ASIC2: variants seen among roughly 807,000 people sequenced by gnomAD.
ASIC2 encodes the protein acid sensing ion channel subunit 2.
In ASIC2, 25 loss-of-function variants were observed where a neutral mutation model predicts 57.3. That is an observed-to-expected ratio of 0.44 (90% confidence interval 0.32 to 0.61). ASIC2 has a LOEUF of 0.61. Among genes scored for constraint, ASIC2 ranks in the 20% least tolerant of loss-of-function variants. ASIC2 has a pLI of 0.06. For missense variants in ASIC2, 641 were observed against 738.1 expected (o/e 0.87, Z 1.52); for synonymous variants, 319 against 307.5 (o/e 1.04, Z -0.39).
At chr17:33,620,749 G>A (rs1905766470) in intron 1 of ASIC2, among the ~76,000 whole-genome samples, 1 of 152,158 alleles carries the variant, frequency 6.6e-6, no homozygotes, top group African/African-American at 2.4e-5. Flanking sequence ...TTTGAATGGA[G>A]TCAGACTGTA....
rs534488427 is a variant in ASIC2 at position 33,531,206 on chromosome 17, G to C, written c.556-419139C>G. On this transcript the variant is annotated intron_variant, in intron 1 of 9. Coordinates refer to the ASIC2 transcript ENST00000359872. ...CCTTTAAGGCAAACGTTCCAGAAAG[G>C]CTTAGGACAAGATCATAGAACTCCT... Among the ~76,000 whole-genome samples, 8 of 152,218 alleles carry C rather than the reference G, an allele frequency of 5.3e-5. No homozygotes were observed. The East Asian group carries it at 1.5e-3, about 29-fold the overall frequency.
intron 1 of ASIC2, among the ~76,000 whole-genome samples, chr17:33,806,115 A>C (rs1912260630): frequency 2.0e-5 from 3 of 152,162 alleles, no homozygotes. Context: ...ACCCACATTC[A>C]TACTCAAGAA....
chr17:34,059,393 C>G (rs1908887187), intron 1 of ASIC2, among the ~76,000 whole-genome samples: 1 of 152,168 alleles, frequency 6.6e-6, no homozygotes, highest in Middle Eastern at 3.2e-3. Context: ...AGGGAACCAT[C>G]AGGAGGGTGG....
chr17:33,815,957 T>C (rs963174461), intron 1 of ASIC2, among the ~76,000 whole-genome samples: 4 of 152,118 alleles, frequency 2.6e-5, no homozygotes, highest in African/African-American at 9.7e-5. Context: ...AGGATAGACA[T>C]GTGGGCTATT....
chr17:34,014,018 A>G (rs1299994260), intron 1 of ASIC2, among the ~76,000 whole-genome samples: 1 of 152,080 alleles, frequency 6.6e-6, no homozygotes, highest in Non-Finnish European at 1.5e-5. Flanking sequence ...CAGAGGGGAG[A>G]GTCAACTTGG....
chr17:33,950,839 A>G (rs1288661864), intron 1 of ASIC2, among the ~76,000 whole-genome samples: 1 of 152,206 alleles, frequency 6.6e-6, no homozygotes, highest in African/African-American at 2.4e-5. Context: ...TGCCTTTTGC[A>G]CTTTCTTTTT....
At chr17:33,322,567 T>TTCATTCATTCATC (rs1375788808) in intron 1 of ASIC2, among the ~76,000 whole-genome samples, 1 of 152,184 alleles carries the variant, frequency 6.6e-6, no homozygotes, top group Non-Finnish European at 1.5e-5. Flanking sequence ...ATTCATTCAT[T>TTCATTCATTCATC]CATTCATTCA....
chr17:33,055,089 G>A (rs1223853071), intron 3 of ASIC2, among the ~76,000 whole-genome samples: 1 of 152,132 alleles, frequency 6.6e-6, no homozygotes, highest in African/African-American at 2.4e-5. Flanking sequence ...AGCACTCCAG[G>A]AATACAATGC....
intron 1 of ASIC2, among the ~76,000 whole-genome samples, chr17:33,881,170 A>G: frequency 6.6e-6 from 1 of 152,202 alleles, no homozygotes; most frequent in East Asian, 1.9e-4. Context: ...AATGGGCAAA[A>G]ACTGGAAGCA....
intron 1 of ASIC2, among the ~76,000 whole-genome samples, chr17:33,567,053 G>A (rs908317406): frequency 6.6e-6 from 1 of 152,062 alleles, no homozygotes; most frequent in African/African-American, 2.4e-5. Context: ...GTTTTCTCTT[G>A]CATGTGTTCA....
intron 1 of ASIC2, among the ~76,000 whole-genome samples, chr17:33,310,812 T>G (rs150150043): frequency 6.6e-6 from 1 of 152,234 alleles, no homozygotes; most frequent in East Asian, 1.9e-4. Context: ...CTTATCCAAA[T>G]ATATAGATAG....
chr17:33,677,258 C>T (rs1055826581), intron 1 of ASIC2, among the ~76,000 whole-genome samples: 3 of 152,166 alleles, frequency 2.0e-5, no homozygotes, highest in Non-Finnish European at 4.4e-5. Flanking sequence ...CAATGTCTGG[C>T]TTCAAAGCTT....
At position 33,023,718 on chromosome 17, in the gene ASIC2, C is replaced by T. The variant is rs1039876575; in HGVS notation, c.1349+143G>A. On this transcript the variant is annotated intron_variant, in intron 6 of 9. Transcript: ENST00000225823. Reference sequence around the variant, plus strand: ...GTCTTTGTATTCTGAACATGGAGCGCAGAGCGTGACACACAGAGGGTGTTC... The same window carrying T: ...GTCTTTGTATTCTGAACATGGAGCGTAGAGCGTGACACACAGAGGGTGTTC... 44 of 1,114,214 alleles carry T rather than the reference C, an allele frequency of 3.9e-5. No homozygotes were observed. In the Middle Eastern group the frequency reaches 6.1e-4, roughly 15 times the overall value. The allele number at this position is 1,114,214 out of a possible 1,614,324, so 69.0% of individuals were successfully genotyped here. A position where few individuals can be genotyped will look rare whatever the true frequency, so the allele number is the denominator to read the frequency against.
At chr17:33,858,524 G>A (rs1439854268) in intron 1 of ASIC2, among the ~76,000 whole-genome samples, 1 of 152,246 alleles carries the variant, frequency 6.6e-6, no homozygotes, top group East Asian at 1.9e-4. Flanking sequence ...CAGCTTCACA[G>A]CTGATTCATC....
chr17:33,536,433 A>T (rs964502201), intron 1 of ASIC2, among the ~76,000 whole-genome samples: 1 of 152,248 alleles, frequency 6.6e-6, no homozygotes, highest in Non-Finnish European at 1.5e-5. Flanking sequence ...TAGGCGGCCC[A>T]TGGTGGAGGT....
chr17:33,032,438 C>CTTT (rs1336737148), intron 3 of ASIC2, among the ~76,000 whole-genome samples: 39 of 83,616 alleles, frequency 4.7e-4, no homozygotes, highest in African/African-American at 9.1e-4. Context: ...CTATAATACA[C>CTTT]TGTTTTTTTT....
intron 1 of ASIC2, among the ~76,000 whole-genome samples, chr17:34,117,544 A>T (rs1911463538): frequency 1.3e-5 from 2 of 152,222 alleles, no homozygotes; most frequent in South Asian, 2.1e-4. Context: ...TGGTACCAGG[A>T]GAGGTAACCT....
At position 33,538,746 on chromosome 17, in the gene ASIC2, G is replaced by C. The variant is rs140334683; in HGVS notation, c.556-426679C>G. Among the ~76,000 whole-genome samples the C allele has an allele frequency of 3.0e-3, 460 of 152,284 alleles. 2 individuals carry two copies. Among genetic ancestry groups the C allele is most frequent in the African/African-American group, 0.01 (432 of 41,558 alleles). ...GTGGAATGGAATTAATTCAAGGGCA[G>C]GTTTTTTCTACAAGGTAGATCCATG... On this transcript the variant is annotated intron_variant, in intron 1 of 9. Transcript: ENST00000359872.
intron 1 of ASIC2, among the ~76,000 whole-genome samples, chr17:33,536,814 C>T (rs1347348411): frequency 6.6e-6 from 1 of 152,168 alleles, no homozygotes; most frequent in Non-Finnish European, 1.5e-5. Flanking sequence ...CAAGTCCAAC[C>T]TGGGCAACAT....
Sources: gnomAD v4.1 joint callset for allele counts (sites outside exome capture counted in the v4.1 genomes callset) on GRCh38, gnomAD v4.1.1 for gene constraint, MANE v1.5 for transcripts, NCBI Gene and HGNC (gene_info 2026-07-23, HGNC 2026-07-21) for gene names.